The following ZNF547 variants were observed in gnomAD, a reference collection of about 807,000 sequenced individuals.
ZNF547 encodes zinc finger protein 547.
Under a neutral mutation model 7.7 loss-of-function variants are expected in ZNF547, and 4 were observed. The observed-to-expected ratio is 0.52, with a 90% CI of 0.26 to 1.20. The LOEUF is 1.20. ZNF547 is among the 50% of genes most tolerant of loss of function. ZNF547 has a pLI of 0.14. For missense variants in ZNF547, 449 were observed against 485.8 expected, an observed-to-expected ratio of 0.92 and a Z score of 0.71; for synonymous variants, 166 against 166.2, an observed-to-expected ratio of 1.00 and a Z score of 0.01.
At chr19:57,375,979 A>T (rs1287482160) in intron 3 of ZNF547, among the ~76,000 whole-genome samples, 1 of 152,110 alleles carries the variant, frequency 6.6e-6, no homozygotes, top group East Asian at 1.9e-4. Flanking sequence ...CCTGGCAAAC[A>T]TGGTGAAACC....
chr19:57,365,206 G>T (rs1283339331), intron 1 of ZNF547: 4 of 1,587,664 alleles, frequency 2.5e-6, no homozygotes, highest in Non-Finnish European at 3.4e-6. Flanking sequence ...TCGATCAAGT[G>T]CATTTGACAG....
intron 1 of ZNF547, among the ~76,000 whole-genome samples, chr19:57,367,147 C>T (rs2088475884): frequency 6.6e-6 from 1 of 152,098 alleles, no homozygotes; most frequent in African/African-American, 2.4e-5. Flanking sequence ...CAAAGAAAAG[C>T]TTGGATTACA....
intron 1 of ZNF547, chr19:57,365,052 A>T (rs1043305): frequency 1.2e-6 from 2 of 1,611,824 alleles, no homozygotes; most frequent in Admixed American, 3.3e-5. Flanking sequence ...GGTTTGTGTC[A>T]GCATTTGTCA....
At chr19:57,369,768 C>T (rs975555891) in intron 2 of ZNF547, among the ~76,000 whole-genome samples, 3 of 151,412 alleles carry the variant, frequency 2.0e-5, no homozygotes, top group Non-Finnish European at 2.9e-5. Context: ...AGGGTGAGGT[C>T]GGAGAGTTGC....
intron 3 of ZNF547, among the ~76,000 whole-genome samples, chr19:57,373,762 C>G (rs2088520337): frequency 6.6e-6 from 1 of 152,214 alleles, no homozygotes; most frequent in African/African-American, 2.4e-5. Flanking sequence ...ATGATATCCT[C>G]TGACTCCATC....
rs149442618 is a variant in ZNF547 at position 57,378,368 on chromosome 19, C to T, written c.*183C>T. The T allele has an allele frequency of 4.7e-4, 338 of 723,738 alleles. 1 individual carries two copies. The highest frequency in any genetic ancestry group is 3.5e-3 in the African/African-American group (202 of 57,856). The allele number at this position is 723,738 out of a possible 1,614,324, so 44.8% of individuals were successfully genotyped here. On this transcript the variant is annotated 3_prime_UTR_variant, in exon 4 of 4. Coordinates refer to ENST00000282282, the MANE Select transcript of ZNF547 (RefSeq NM_173631.4). ...TGCAGAAATGTGTGTTCAGCAAACT[C>T]GGGACATTATTTTGGTTTGACTCTC...
intron 3 of ZNF547, among the ~76,000 whole-genome samples, chr19:57,376,870 T>G (rs376719333): frequency 3.3e-5 from 5 of 152,190 alleles, no homozygotes; most frequent in Non-Finnish European, 5.9e-5. Context: ...TGGGCTTTTG[T>G]TACATTCCAG....
chr19:57,372,869 TAGTCACC>T (rs2088515010), intron 3 of ZNF547, among the ~76,000 whole-genome samples: 1 of 152,228 alleles, frequency 6.6e-6, no homozygotes, highest in African/African-American at 2.4e-5. Flanking sequence ...CACTGCTCAC[TAGTCACC>T]AGCAGCCATG....
chr19:57,364,804 T>A (rs879186259), intron 1 of ZNF547: 3 of 1,561,386 alleles, frequency 1.9e-6, no homozygotes, highest in Non-Finnish European at 2.6e-6. Context: ...GTTGTCGGCC[T>A]CCCGCTGCAG....
chr19:57,369,816 AT>A (rs1276291299), intron 2 of ZNF547, among the ~76,000 whole-genome samples: 2 of 147,088 alleles, frequency 1.4e-5, no homozygotes, highest in Non-Finnish European at 3.0e-5. Flanking sequence ...TGGGAATTCT[AT>A]TAGTCTGTTT....
In ZNF547 at chr19:57,378,912, T is replaced by G. The variant is rs2123025923; in HGVS notation, c.*727T>G. ...TTTAAGTCATTATGACTCTGACTATTCTTGGTACTTCTCAGAAGAAGAATC... is the reference window on the plus strand; with the variant it reads ...TTTAAGTCATTATGACTCTGACTATGCTTGGTACTTCTCAGAAGAAGAATC... On this transcript the variant is annotated 3_prime_UTR_variant, in exon 4 of 4. Coordinates refer to ENST00000282282, the MANE Select transcript of ZNF547 (RefSeq NM_173631.4). The G allele has an allele frequency of 4.6e-6, 1 of 215,698 alleles. No homozygotes were observed. The highest frequency in any genetic ancestry group is 4.9e-4 in the Middle Eastern group (1 of 2,052). The allele number at this position is 215,698 out of a possible 1,614,324, so 13.4% of individuals were successfully genotyped here.
At chr19:57,375,683 AAAAAG>A in intron 3 of ZNF547, among the ~76,000 whole-genome samples, 1 of 140,230 alleles carries the variant, frequency 7.1e-6, no homozygotes, top group Non-Finnish European at 1.6e-5. Flanking sequence ...AAAAAAAAAA[AAAAAG>A]ACATACCCGA....
At chr19:57,368,479 G>C (rs1600076053) in intron 1 of ZNF547, 65 bp from the exon 2 acceptor site, 1 of 1,494,454 alleles carries the variant, frequency 6.7e-7, no homozygotes, top group Non-Finnish European at 9.3e-7. Context: ...AGAGATGGTG[G>C]TCCAACTCTG....
At position 57,377,773 on chromosome 19, in the gene ZNF547, G is replaced by GGCCT; in HGVS notation, c.798_801dup (p.Tyr268AlafsTer6). On this transcript the variant is annotated frameshift_variant, in exon 4 of 4. Coordinates refer to ENST00000282282, the MANE Select transcript of ZNF547 (RefSeq NM_173631.4). LOFTEE classifies it low-confidence loss of function (END_TRUNC). ...CATCAGAGGGTTCACACTGGAAAGA[G>GGCCT]GCCTTATGGTTGCAGTGAATGTGGG... is the stretch of plus-strand genomic sequence containing the variant. 1 of 1,614,098 alleles carries GGCCT rather than the reference G, an allele frequency of 6.2e-7. No homozygotes were observed. Among genetic ancestry groups the GGCCT allele is most frequent in the Non-Finnish European group, 8.5e-7 (1 of 1,180,008 alleles).
intron 1 of ZNF547, chr19:57,364,742 A>G (rs1218351176): frequency 1.8e-6 from 2 of 1,117,606 alleles, no homozygotes; most frequent in Admixed American, 2.1e-5. Flanking sequence ...TTCCGTGTCA[A>G]AAAAAGGTGC....
In ZNF547 at chr19:57,378,062, T is replaced by C. The variant is rs2088550165; in HGVS notation, c.1086T>C (p.Leu362=). The C allele has an allele frequency of 1.9e-6, 3 of 1,614,036 alleles. No homozygotes were observed. The highest frequency in any genetic ancestry group is 2.5e-6 in the Non-Finnish European group (3 of 1,179,988). ...YECSECGKAF[L]TKSHLICHQT... ...GCAGTGAGTGTGGGAAGGCCTTCCT[T>C]ACAAAGTCCCACCTCATTTGTCATC... Residue 362 remains leucine (L), a synonymous_variant, in exon 4 of 4, where the codon CTT becomes CTC. Coordinates refer to ENST00000282282, the MANE Select transcript of ZNF547 (RefSeq NM_173631.4).
At chr19:57,364,483 CG>C in intron 1 of ZNF547, 1 of 339,858 alleles carries the variant, frequency 2.9e-6, no homozygotes, top group South Asian at 2.9e-5. Flanking sequence ...TGGCTCACGC[CG>C]GTAATCCCAG....
intron 1 of ZNF547, chr19:57,364,443 T>TCGGTGGTGGCTGTA: frequency 4.8e-6 from 1 of 206,438 alleles, no homozygotes; most frequent in Admixed American, 5.7e-5. Flanking sequence ...GTGTAGATTC[T>TCGGTGGTGGCTGTA]TCAAAAGAAT....
At position 57,377,147 on chromosome 19, in the gene ZNF547, G is replaced by A. The variant is rs372503408; in HGVS notation, c.171G>A (p.Glu57=). ...TTACAGGTTGTTGCCATGGAGCTGA[G>A]GATGAGGAGGCACCTTTAGAGCCAG... The part of the protein sequence containing the change: ...LSSLGCCHGA[E]DEEAPLEPGV... The change falls in exon 4 of 4, where the codon GAG becomes GAA. Residue 57 remains glutamate (E), a synonymous_variant. Transcript: ENST00000282282. The A allele has an allele frequency of 8.4e-5, 136 of 1,613,430 alleles. No homozygotes were observed. The highest frequency in any genetic ancestry group is 1.1e-4 in the Non-Finnish European group (126 of 1,179,536).
Sources: allele counts gnomAD v4.1 joint callset (sites outside exome capture counted in the v4.1 genomes callset), GRCh38; gene constraint gnomAD v4.1.1; transcripts MANE v1.5; gene names NCBI Gene and HGNC (gene_info 2026-07-23, HGNC 2026-07-21).